The following CNNM1 variants were observed in gnomAD, a reference collection of about 807,000 sequenced individuals.
The protein encoded by CNNM1 is cyclin and CBS domain divalent metal cation transport mediator 1, also known as metal transporter CNNM1.
CNNM1 carries 44 observed loss-of-function variants against 78.8 expected under a neutral mutation model. The observed-to-expected ratio is 0.56, with a 90% CI of 0.44 to 0.72. The LOEUF is 0.72. Ranked by LOEUF, CNNM1 falls within the 30% of genes least tolerant of loss-of-function variation. The pLI is 0.00. For synonymous variants in CNNM1, 584 were observed against 581.5 expected, an observed-to-expected ratio of 1.00 and a Z score of -0.06; for missense variants, 1,101 against 1,292.2, an observed-to-expected ratio of 0.85 and a Z score of 2.27.
Position 99,349,355 on chromosome 10 carries a change from C to T in CNNM1, c.1574-8157C>T, listed in dbSNP as rs539650304. On this transcript the variant is annotated intron_variant, in intron 1 of 10. Transcript: ENST00000356713. ...TGTAACTCCAACGTGCAGCCAGGGTCGAGAATCACGAGTCGGAGTCTTTAA... is the reference window on the plus strand; with the variant it reads ...TGTAACTCCAACGTGCAGCCAGGGTTGAGAATCACGAGTCGGAGTCTTTAA... Among the ~76,000 whole-genome samples, 6 of 151,688 alleles carry T rather than the reference C, an allele frequency of 4.0e-5. No individual in the cohort carries two copies. In the East Asian group the frequency reaches 9.7e-4, roughly 25 times the overall value.
chr10:99,376,826 A>G (rs2031976959), intron 6 of CNNM1, among the ~76,000 whole-genome samples: 1 of 152,082 alleles, frequency 6.6e-6, no homozygotes, highest in African/African-American at 2.4e-5. Flanking sequence ...TGTCTTAGGT[A>G]TTTGTTCCTC....
At chr10:99,343,169 G>T (rs2030531951) in intron 1 of CNNM1, among the ~76,000 whole-genome samples, 1 of 151,952 alleles carries the variant, frequency 6.6e-6, no homozygotes, top group Non-Finnish European at 1.5e-5. Context: ...CACCATGTTG[G>T]CCAGGCTGGT....
intron 1 of CNNM1, among the ~76,000 whole-genome samples, chr10:99,347,741 C>T (rs187912733): frequency 6.0e-4 from 92 of 152,180 alleles, no homozygotes; most frequent in African/African-American, 2.0e-3. Context: ...CTCCCACGTT[C>T]TACAGCCACC....
intron 1 of CNNM1, among the ~76,000 whole-genome samples, chr10:99,343,296 C>T (rs997039361): frequency 6.6e-6 from 1 of 151,976 alleles, no homozygotes; most frequent in African/African-American, 2.4e-5. Context: ...AACTGAGGCA[C>T]AGAAAGGACA....
chr10:99,339,520 TG>T (rs2030341731), intron 1 of CNNM1, among the ~76,000 whole-genome samples: 2 of 152,208 alleles, frequency 1.3e-5, no homozygotes, highest in East Asian at 3.8e-4. Context: ...TCAGATCAGC[TG>T]GGGCATTAGG....
At chr10:99,335,295 A>G (rs1363795307) in intron 1 of CNNM1, among the ~76,000 whole-genome samples, 1 of 152,216 alleles carries the variant, frequency 6.6e-6, no homozygotes, top group Admixed American at 6.5e-5. Flanking sequence ...ATGAGTTGCA[A>G]GTCTTTAGAA....
At chr10:99,390,524 G>A in intron 10 of CNNM1, 117 bp downstream of exon 10, 1 of 732,166 alleles carries the variant, frequency 1.4e-6, no homozygotes, top group Non-Finnish European at 2.4e-6. Flanking sequence ...AAACCCTAAT[G>A]AGGTACAATT....
rs1046300795 is a variant in CNNM1 at position 99,394,037 on chromosome 10, C to T, written c.*2521C>T. The T allele has an allele frequency of 6.6e-6, 1 of 152,404 alleles. No individual in the cohort carries two copies. Among genetic ancestry groups the T allele is most frequent in the Non-Finnish European group, 1.5e-5 (1 of 68,030 alleles). The allele number at this position is 152,404 out of a possible 1,614,324, so 9.4% of individuals were successfully genotyped here. On this transcript the variant is annotated 3_prime_UTR_variant, in exon 11 of 11. Coordinates refer to ENST00000356713, the MANE Select transcript of CNNM1 (RefSeq NM_020348.3). ...ATAAATGGTGAGTTTTGAACAAGAA[C>T]TACCATCATGCAGGCTTCTTGCCCA... is the stretch of plus-strand genomic sequence containing the variant.
chr10:99,370,341 G>T (rs750138366), intron 6 of CNNM1, among the ~76,000 whole-genome samples: 2 of 151,534 alleles, frequency 1.3e-5, no homozygotes, highest in Admixed American at 1.3e-4. Flanking sequence ...CCCACCCTTG[G>T]TTTAACTCTG....
In CNNM1 at chr10:99,377,133, G is replaced by A. The variant is rs2031993216; in HGVS notation, c.2255G>A (p.Ser752Asn). Reference protein sequence around the residue: ...PNRERSDFGGSNTQLYSSSNN... With the variant: ...PNRERSDFGGNNTQLYSSSNN... ...CGAGAGCGCAGTGACTTTGGGGGCA[G>A]CAACACCCAGCTGTACAGCAGCAGC... is the stretch of plus-strand genomic sequence containing the variant. Residue 752 changes from serine to asparagine, a missense_variant, in exon 7 of 11, where the codon AGC (serine) becomes AAC (asparagine). By Grantham distance (46) the Ser-to-Asn change is conservative. Transcript: ENST00000356713. 6.2e-7 allele frequency: 1 copy of A among 1,612,024 alleles called. No individual in the cohort carries two copies. The highest frequency in any genetic ancestry group is 1.3e-5 in the African/African-American group (1 of 74,970).
chr10:99,330,984 C>G lies in CNNM1; in HGVS notation c.1573+24C>G, dbSNP rs571185899. ...GGGTGAGCAGTAGTCTATCTTCTCC[C>G]CCAACTCCTATCCCCTTCAAAGGTA... On this transcript the variant is annotated intron_variant, in intron 1 of 10. Transcript: ENST00000356713. 3.2e-4 allele frequency: 503 copies of G among 1,584,066 alleles called. 9 individuals are homozygous for G. The South Asian group carries it at 5.4e-3, about 17-fold the overall frequency.
intron 1 of CNNM1, among the ~76,000 whole-genome samples, chr10:99,334,279 C>T (rs1279306941): frequency 6.6e-6 from 1 of 152,220 alleles, no homozygotes; most frequent in Non-Finnish European, 1.5e-5. Context: ...ACATAGTGGT[C>T]ATTTTCTTTA....
chr10:99,381,076 A>G (rs540759940), intron 7 of CNNM1, among the ~76,000 whole-genome samples: 2 of 152,286 alleles, frequency 1.3e-5, no homozygotes, highest in African/African-American at 4.8e-5. Context: ...AGAAGACTAA[A>G]TGTCAGAAGT....
intron 7 of CNNM1, among the ~76,000 whole-genome samples, chr10:99,379,319 G>A (rs777485369): frequency 8.5e-5 from 13 of 152,208 alleles, no homozygotes; most frequent in Non-Finnish European, 1.6e-4. Context: ...AGGTAATTTC[G>A]GGTCGTAATA....
intron 1 of CNNM1, among the ~76,000 whole-genome samples, chr10:99,350,042 C>T (rs2030877655): frequency 6.6e-6 from 1 of 152,076 alleles, no homozygotes; most frequent in South Asian, 2.1e-4. Context: ...CTGGACCCTG[C>T]CCCACCCAGC....
chr10:99,357,383 T>C, intron 1 of CNNM1, 129 bp from the exon 2 acceptor site: 1 of 746,748 alleles, frequency 1.3e-6, no homozygotes, highest in Non-Finnish European at 2.0e-6. Context: ...AAACTTCATA[T>C]TTTAAGGAGG....
In CNNM1 at chr10:99,391,592, T is replaced by C; in HGVS notation, c.*76T>C. ...GAGAATCCACCCTCCCATCATCTGC[T>C]TCCCCCAAGGCCTCCCACAGGTGAC... is the stretch of plus-strand genomic sequence containing the variant. On this transcript the variant is annotated 3_prime_UTR_variant, in exon 11 of 11. Transcript: ENST00000356713. 1 of 1,247,694 alleles carries C rather than the reference T, an allele frequency of 8.0e-7. No individual in the cohort carries two copies. Among genetic ancestry groups the C allele is most frequent in the Non-Finnish European group, 1.2e-6 (1 of 861,844 alleles). The allele number at this position is 1,247,694 out of a possible 1,614,324, so 77.3% of individuals were successfully genotyped here.
At chr10:99,337,171 TCATTTATGCAAATGCCTC>T (rs2134015491) in intron 1 of CNNM1, among the ~76,000 whole-genome samples, 1 of 152,378 alleles carries the variant, frequency 6.6e-6, no homozygotes, top group South Asian at 2.1e-4. Flanking sequence ...AGTCTATTAC[TCATTTATGCAAATGCCTC>T]CTAAGAAGTT....
In CNNM1 at chr10:99,366,326, C is replaced by A. The variant is rs897770025; in HGVS notation, c.2176+1324C>A. On this transcript the variant is annotated intron_variant, in intron 6 of 10. Coordinates refer to ENST00000356713, the MANE Select transcript of CNNM1 (RefSeq NM_020348.3). ...TTCTCTAAAGGAAATCTCCATCATC[C>A]ATCACATTAGGGACTACTCCTGGGA... 9.9e-5 allele frequency among the ~76,000 whole-genome samples: 15 copies of A among 152,182 alleles called. 1 individual carries two copies. In the South Asian group the frequency reaches 2.5e-3, roughly 25 times the overall value.
Sources: allele counts gnomAD v4.1 joint callset (sites outside exome capture counted in the v4.1 genomes callset), GRCh38; gene constraint gnomAD v4.1.1; transcripts MANE v1.5; gene names NCBI Gene and HGNC (gene_info 2026-07-23, HGNC 2026-07-21).